The following PTPN14 variants were observed in gnomAD, a reference collection of about 807,000 sequenced individuals.
PTPN14 encodes the protein protein tyrosine phosphatase non-receptor type 14.
In PTPN14, 53 loss-of-function variants were observed where a neutral mutation model predicts 126.8. The observed-to-expected ratio is 0.42, with a 90% CI of 0.34 to 0.53. PTPN14 has a LOEUF of 0.53. PTPN14 is among the 20% of genes least tolerant of loss of function. The pLI is 0.08. For synonymous variants in PTPN14, 630 were observed against 599.3 expected (o/e 1.05, Z -0.75); for missense variants, 1,257 against 1,552.9 (o/e 0.81, Z 3.20).
At chr1:214,501,835 G>A (rs557094863) in intron 1 of PTPN14, among the ~76,000 whole-genome samples, 50 of 152,066 alleles carry the variant, frequency 3.3e-4, no homozygotes, top group East Asian at 1.2e-3. Flanking sequence ...CAAGGCCGGC[G>A]GATCACAAGT....
chr1:214,412,919 G>A (rs1390481160), intron 4 of PTPN14, among the ~76,000 whole-genome samples: 1 of 152,120 alleles, frequency 6.6e-6, no homozygotes, highest in African/African-American at 2.4e-5. Context: ...ATCTGGGCTG[G>A]GGTGTAGTGA....
chr1:214,375,610 CAT>C (rs1334864453), intron 15 of PTPN14, among the ~76,000 whole-genome samples: 1 of 152,146 alleles, frequency 6.6e-6, no homozygotes, highest in Admixed American at 6.5e-5. Context: ...GTAATACTGA[CAT>C]ATAAAGGTTT....
chr1:214,398,542 G>T (rs372219227), intron 7 of PTPN14, among the ~76,000 whole-genome samples: 1 of 151,620 alleles, frequency 6.6e-6, no homozygotes, highest in East Asian at 1.9e-4. Context: ...GACCTCCTGG[G>T]CTCAGACAAT....
chr1:214,364,614 C>A lies in PTPN14; in HGVS notation c.3333G>T (p.Lys1111Asn). ...RHTNSMLEGT[K>N]NRHPPIVVHC... is the part of the protein sequence containing the mutation. ...GGACCACGATGGGCGGGTGCCGGTT[C>A]TTGGTGCCTTCCAGCATGCTGTTGG... Residue 1111 changes from lysine to asparagine, a missense_variant, in exon 18 of 19, where the codon AAG becomes AAT. Physicochemically the swap from Lys to Asn is moderately conservative, Grantham distance 94. Transcript: ENST00000366956. This position sits in a 1 kb window ranked among gnomAD's most constrained non-coding sequence, Gnocchi z 4.1. 1 of 1,614,120 alleles carries A rather than the reference C, an allele frequency of 6.2e-7. No homozygotes were observed. Among genetic ancestry groups the A allele is most frequent in the Non-Finnish European group, 8.5e-7 (1 of 1,180,036 alleles).
intron 2 of PTPN14, among the ~76,000 whole-genome samples, chr1:214,458,050 GAGAGAT>G (rs1660423680): frequency 4.1e-5 from 6 of 146,760 alleles, no homozygotes; most frequent in African/African-American, 1.4e-4. Context: ...GAGAGAGAGA[GAGAGAT>G]AGAGAGAGAG....
At chr1:214,366,599 G>A (rs930152224) in intron 17 of PTPN14, among the ~76,000 whole-genome samples, 4 of 151,916 alleles carry the variant, frequency 2.6e-5, no homozygotes, top group Non-Finnish European at 5.9e-5. Flanking sequence ...TTTAAACATG[G>A]GCAAAAATCT....
chr1:214,525,611 C>T (rs2102462604), intron 1 of PTPN14, among the ~76,000 whole-genome samples: 1 of 150,828 alleles, frequency 6.6e-6, no homozygotes, highest in Non-Finnish European at 1.5e-5. Flanking sequence ...CAAATTCAAC[C>T]ACAGAGTTAA....
chr1:214,432,684 A>T (rs1465754988), intron 3 of PTPN14, among the ~76,000 whole-genome samples: 1 of 152,242 alleles, frequency 6.6e-6, no homozygotes, highest in African/African-American at 2.4e-5. Context: ...AATGTTGATC[A>T]ATGAAGTAAG....
chr1:214,374,688 G>A (rs1334681021), intron 15 of PTPN14, among the ~76,000 whole-genome samples: 2 of 152,118 alleles, frequency 1.3e-5, no homozygotes, highest in South Asian at 2.1e-4. Context: ...CAAGGTCCAC[G>A]GGTCTATGAA....
At chr1:214,358,378 T>C (rs1157217972) in intron 18 of PTPN14, among the ~76,000 whole-genome samples, 1 of 152,162 alleles carries the variant, frequency 6.6e-6, no homozygotes, top group Non-Finnish European at 1.5e-5. Flanking sequence ...GCAGTCCTCC[T>C]ACCTGAGTCT....
chr1:214,372,851 GA>G lies in PTPN14; in HGVS notation c.2908-13del, dbSNP rs747829497. ...CCGCCAACCACCACCTAAAAACCAA[GA>G]AAAGTATCGGTAAATAAACCCCAAG... On this transcript the variant is annotated splice_polypyrimidine_tract_variant and intron_variant, in intron 15 of 18. Transcript: ENST00000366956. The G allele has an allele frequency of 6.2e-7, 1 of 1,613,576 alleles. No homozygotes were observed. Among genetic ancestry groups the G allele is most frequent in the Non-Finnish European group, 8.5e-7 (1 of 1,179,676 alleles).
intron 5 of PTPN14, among the ~76,000 whole-genome samples, chr1:214,406,441 A>T (rs906005329): frequency 7.3e-5 from 11 of 151,578 alleles, no homozygotes; most frequent in Non-Finnish European, 2.9e-5. Context: ...AGATTGCGCC[A>T]CCGCACTCCA....
At position 214,357,840 on chromosome 1, in the gene PTPN14, G is replaced by T. The variant is rs75290267; in HGVS notation, c.*82C>A. On this transcript the variant is annotated 3_prime_UTR_variant, in exon 19 of 19. Transcript: ENST00000366956. The stretch of plus-strand genomic sequence containing the variant: ...GCTGCCAGCCACCTGCACCCCTGTG[G>T]GGGGAGCAGATGTTGTCTGGAGGTG... 2 of 1,325,508 alleles carry T rather than the reference G, an allele frequency of 1.5e-6. No individual in the cohort carries two copies. Among genetic ancestry groups the T allele is most frequent in the Admixed American group, 1.9e-5 (1 of 53,786 alleles). 82.1% of individuals were successfully genotyped at this position (1,325,508 alleles called of 1,614,324 possible).
intron 16 of PTPN14, among the ~76,000 whole-genome samples, chr1:214,371,648 T>C (rs192629852): frequency 5.9e-5 from 9 of 152,336 alleles, no homozygotes; most frequent in African/African-American, 1.9e-4. Flanking sequence ...GATGGTATGC[T>C]GTATTTAGGT....
At chr1:214,381,652 A>G (rs1658475399) in intron 13 of PTPN14, among the ~76,000 whole-genome samples, 1 of 152,202 alleles carries the variant, frequency 6.6e-6, no homozygotes. Context: ...CTTCCTTAAA[A>G]CTTTGGGCCT....
intron 1 of PTPN14, chr1:214,532,446 G>T (rs1217229121): frequency 1.3e-6 from 1 of 799,504 alleles, no homozygotes; most frequent in Non-Finnish European, 2.2e-6. Context: ...AAGCCTGAAA[G>T]ACCACCTGGC....
intron 1 of PTPN14, among the ~76,000 whole-genome samples, chr1:214,507,835 C>A (rs1411718843): frequency 6.6e-6 from 1 of 152,070 alleles, no homozygotes; most frequent in Non-Finnish European, 1.5e-5. Context: ...GCCAATGTTA[C>A]CTTAATTTTA....
intron 1 of PTPN14, chr1:214,532,778 A>T (rs1306759802): frequency 2.4e-6 from 2 of 837,766 alleles, no homozygotes; most frequent in Admixed American, 3.4e-5. Flanking sequence ...CCACAGCTGG[A>T]GACAGAGATC....
rs1358114553 is a variant in PTPN14 at position 214,383,399 on chromosome 1, C to T, written c.2456G>A (p.Arg819Gln). 7 of 1,614,096 alleles carry T rather than the reference C, an allele frequency of 4.3e-6. No homozygotes were observed. Among genetic ancestry groups the T allele is most frequent in the African/African-American group, 2.7e-5 (2 of 74,918 alleles). The change falls in exon 13 of 19, where the codon CGG (arginine) becomes CAG (glutamine). Residue 819 changes from arginine to glutamine, a missense_variant. By Grantham distance (43) the Arg-to-Gln change is conservative (BLOSUM62 1). Transcript: ENST00000366956. This position sits in a 1 kb window ranked among gnomAD's most constrained non-coding sequence, Gnocchi z 4.4. Reference protein sequence around the residue: ...SEPDLTSVKERVKKEPVKERP... With the variant: ...SEPDLTSVKEQVKKEPVKERP... The stretch of plus-strand genomic sequence containing the variant: ...CTCCTTCACAGGCTCTTTTTTGACC[C>T]GCTCCTTCACACTAGTCAGGTCGGG...
Sources: allele counts gnomAD v4.1 joint callset (sites outside exome capture counted in the v4.1 genomes callset), GRCh38; gene constraint gnomAD v4.1.1; non-coding constraint Gnocchi (gnomAD v3.1); transcripts MANE v1.5; gene names NCBI Gene and HGNC (gene_info 2026-07-23, HGNC 2026-07-21).